Variants in DNAH14 observed in about 807,000 individuals in gnomAD.
DNAH14 encodes the protein axonemal beta dynein heavy chain 14.
Under a neutral mutation model 520.9 loss-of-function variants are expected in DNAH14, and 478 were observed. That is an observed-to-expected ratio of 0.92 (90% CI 0.85 to 0.99). The LOEUF (loss-of-function observed/expected upper bound fraction) is 0.99. DNAH14 is among the 50% of genes least tolerant of loss of function. The pLI, the probability that DNAH14 is intolerant of heterozygous loss-of-function variation, is 0.00. For missense variants in DNAH14, 4,831 were observed against 5,234.5 expected, an observed-to-expected ratio of 0.92 and a Z score of 2.38; for synonymous variants, 1,581 against 1,757.2, an observed-to-expected ratio of 0.90 and a Z score of 2.51.
At chr1:224,959,441 C>A (rs1323875580) in intron 3 of DNAH14, among the ~76,000 whole-genome samples, 2 of 152,042 alleles carry the variant, frequency 1.3e-5, no homozygotes, top group Non-Finnish European at 1.5e-5. Context: ...ATTTGTATCC[C>A]TTTGTTTTGT....
chr1:225,193,709 G>T (rs571024367), intron 38 of DNAH14, among the ~76,000 whole-genome samples: 1 of 152,146 alleles, frequency 6.6e-6, no homozygotes, highest in East Asian at 1.9e-4. Context: ...GAGCAATCAG[G>T]CAATAGAAGG....
chr1:225,196,685 G>T (rs929445174), intron 38 of DNAH14, among the ~76,000 whole-genome samples: 3 of 152,016 alleles, frequency 2.0e-5, no homozygotes, highest in African/African-American at 7.2e-5. Flanking sequence ...TCTTATTTTT[G>T]ATTTTTTGAT....
chr1:225,211,092 C>T (rs1413040968), intron 41 of DNAH14, among the ~76,000 whole-genome samples: 1 of 152,208 alleles, frequency 6.6e-6, no homozygotes, highest in East Asian at 1.9e-4. Context: ...CAGAATGCCT[C>T]TTCTCCTCCA....
intron 37 of DNAH14, among the ~76,000 whole-genome samples, chr1:225,189,414 C>T (rs72748640): frequency 8.6e-4 from 95 of 110,726 alleles, no homozygotes; most frequent in Middle Eastern, 4.2e-3. Flanking sequence ...TCTTTCTTTT[C>T]TTTTTTTTTT....
chr1:225,155,397 T>C lies in DNAH14; in HGVS notation c.5273+1571T>C, dbSNP rs140264787. Among the ~76,000 whole-genome samples, 1,010 of 152,198 alleles carry C rather than the reference T, an allele frequency of 6.6e-3. 6 individuals are homozygous for C. Among genetic ancestry groups the C allele is most frequent in the Middle Eastern group, 0.02 (6 of 294 alleles). ...AGGATAGGGGATAAAGCTATAATTA[T>C]TTATTTCTTAAAAATAAAAGAACTG... is the stretch of plus-strand genomic sequence containing the variant. On this transcript the variant is annotated intron_variant, in intron 34 of 85. Transcript: ENST00000682510.
intron 38 of DNAH14, among the ~76,000 whole-genome samples, chr1:225,196,639 T>C (rs2086178860): frequency 6.6e-6 from 1 of 152,198 alleles, no homozygotes; most frequent in Non-Finnish European, 1.5e-5. Context: ...ACCAGCAGTG[T>C]AGAAGTGTTC....
In DNAH14 at chr1:225,080,718, C is replaced by G; in HGVS notation, c.3106C>G (p.Leu1036Val). The change falls in exon 19 of 86, where the codon CTG becomes GTG. Residue 1036 changes from leucine to valine, a missense_variant. Transcript: ENST00000682510. Reference sequence around the variant, plus strand: ...ATCAGTACAGAGAAATGTTTCAAAACTGATGCACATAATCTCGGTACTAGA... The same window carrying G: ...ATCAGTACAGAGAAATGTTTCAAAAGTGATGCACATAATCTCGGTACTAGA... Reference protein sequence around the residue: ...VESVQRNVSKLMHIISVLEKG... With the variant: ...VESVQRNVSKVMHIISVLEKG... 1 of 1,533,520 alleles carries G rather than the reference C, an allele frequency of 6.5e-7. No individual in the cohort carries two copies. The highest frequency in any genetic ancestry group is 8.8e-7 in the Non-Finnish European group (1 of 1,138,862). The allele number at this position is 1,533,520 out of a possible 1,614,324, so 95.0% of individuals were successfully genotyped here.
At chr1:225,183,933 A>C (rs1272509276) in intron 36 of DNAH14, among the ~76,000 whole-genome samples, 2 of 152,072 alleles carry the variant, frequency 1.3e-5, no homozygotes, top group Non-Finnish European at 2.9e-5. Context: ...AGTAACAAAA[A>C]CCTACCAAAC....
At chr1:225,222,018 T>C (rs1472490061) in intron 41 of DNAH14, among the ~76,000 whole-genome samples, 1 of 152,174 alleles carries the variant, frequency 6.6e-6, no homozygotes, top group South Asian at 2.1e-4. Flanking sequence ...GCTACTGGAC[T>C]CTTTTTGGTG....
chr1:224,958,218 G>C (rs1443249977), intron 3 of DNAH14, among the ~76,000 whole-genome samples: 1 of 152,064 alleles, frequency 6.6e-6, no homozygotes, highest in Non-Finnish European at 1.5e-5. Context: ...AGAGATTTGA[G>C]GAGCATGGAG....
intron 21 of DNAH14, among the ~76,000 whole-genome samples, chr1:225,094,536 C>G (rs951273974): frequency 6.6e-6 from 1 of 151,360 alleles, no homozygotes; most frequent in Admixed American, 6.6e-5. Context: ...GGAAAATAAC[C>G]TAGGAAATAC....
intron 11 of DNAH14, among the ~76,000 whole-genome samples, chr1:225,028,319 T>A (rs190712639): frequency 2.2e-3 from 337 of 152,242 alleles, no homozygotes; most frequent in Non-Finnish European, 3.5e-3. Flanking sequence ...GTTATAGATT[T>A]GTTTAGATTT....
intron 10 of DNAH14, among the ~76,000 whole-genome samples, chr1:225,021,920 CA>C (rs2065732099): frequency 1.3e-5 from 2 of 152,200 alleles, no homozygotes; most frequent in South Asian, 4.1e-4. Flanking sequence ...GGTAAGGGTA[CA>C]AAAACAGATA....
chr1:225,336,465 TA>T (rs1292508680), intron 66 of DNAH14, among the ~76,000 whole-genome samples: 1 of 140,976 alleles, frequency 7.1e-6, no homozygotes, highest in East Asian at 2.1e-4. Flanking sequence ...TCAAATAATA[TA>T]AAGCAAATAT....
chr1:225,316,791 C>T (rs2094475692), intron 60 of DNAH14, among the ~76,000 whole-genome samples: 1 of 152,158 alleles, frequency 6.6e-6, no homozygotes, highest in Admixed American at 6.5e-5. Context: ...AGAGCTGTTC[C>T]TATTTGGCCA....
chr1:225,232,270 T>TACACACACACAC lies in DNAH14; in HGVS notation c.6518+1120_6518+1121insCACACACACACA, dbSNP rs1237999371. 2.1e-5 allele frequency among the ~76,000 whole-genome samples: 3 copies of TACACACACACAC among 142,858 alleles called. No homozygotes were observed. The highest frequency in any genetic ancestry group is 4.6e-5 in the Non-Finnish European group (3 of 65,320). 93.7% of individuals were successfully genotyped at this position (142,858 alleles called of 152,430 possible). On this transcript the variant is annotated intron_variant, in intron 42 of 85. Transcript: ENST00000682510. The surrounding 1 kb of genome is among the most constrained non-coding windows in gnomAD (Gnocchi z 4.2). ...TTGTCATTATATATATAAACTGTGA[T>TACACACACACAC]ATATATATATACACACACACACACA...
At chr1:225,076,714 T>A (rs2072321509) in intron 17 of DNAH14, among the ~76,000 whole-genome samples, 1 of 152,220 alleles carries the variant, frequency 6.6e-6, no homozygotes, top group African/African-American at 2.4e-5. Context: ...TCATCCTCTT[T>A]CTGGCTGCTC....
chr1:225,064,998 CCA>C (rs2070682977), intron 17 of DNAH14, among the ~76,000 whole-genome samples: 1 of 151,904 alleles, frequency 6.6e-6, no homozygotes, highest in South Asian at 2.1e-4. Flanking sequence ...CCTGTCTGTA[CCA>C]CAGTTTCCTC....
At chr1:225,001,868 T>C (rs1393923025) in intron 8 of DNAH14, among the ~76,000 whole-genome samples, 1 of 152,142 alleles carries the variant, frequency 6.6e-6, no homozygotes, top group Non-Finnish European at 1.5e-5. Context: ...AATTCTTCTA[T>C]GACTAGGAGT....
Sources: gnomAD v4.1 joint callset for allele counts (sites outside exome capture counted in the v4.1 genomes callset) on GRCh38, gnomAD v4.1.1 for gene constraint, Gnocchi (gnomAD v3.1) non-coding constraint, MANE v1.5 for transcripts, NCBI Gene and HGNC (gene_info 2026-07-23, HGNC 2026-07-21) for gene names.